The following C1QTNF7 variants were observed in gnomAD, a reference collection of about 807,000 sequenced individuals.
C1QTNF7 encodes the protein complement C1q tumor necrosis factor-related protein 7.
Under a neutral mutation model 19.6 loss-of-function variants are expected in C1QTNF7, and 15 were observed. The ratio of observed to expected loss-of-function variants is 0.76; its 90% CI spans 0.51 to 1.18. The LOEUF (loss-of-function observed/expected upper bound fraction) is 1.18, where lower values mean the gene tolerates loss of function less well. Among genes scored for constraint, C1QTNF7 ranks in the 50% most tolerant of loss-of-function variants. The pLI, the probability that C1QTNF7 is intolerant of heterozygous loss-of-function variation, is 0.00. For synonymous variants in C1QTNF7, 142 were observed against 137.5 expected, an observed-to-expected ratio of 1.03 and a Z score of -0.23; for missense variants, 324 against 359.7, an observed-to-expected ratio of 0.90 and a Z score of 0.80.
At chr4:15,420,775 C>T (rs1311455447) in intron 1 of C1QTNF7, among the ~76,000 whole-genome samples, 2 of 139,094 alleles carry the variant, frequency 1.4e-5, no homozygotes, top group South Asian at 5.2e-4. Flanking sequence ...AGGGAGAAGA[C>T]ATGAAGATTT....
At chr4:15,368,755 G>A (rs989858734) in intron 1 of C1QTNF7, among the ~76,000 whole-genome samples, 1 of 152,206 alleles carries the variant, frequency 6.6e-6, no homozygotes, top group Non-Finnish European at 1.5e-5. Flanking sequence ...AAACATACGT[G>A]TGCATGTGTC....
chr4:15,443,818 G>C lies in C1QTNF7; in HGVS notation c.*1019G>C, dbSNP rs1188450540. On this transcript the variant is annotated 3_prime_UTR_variant, in exon 3 of 3. Coordinates refer to ENST00000444304, the MANE Select transcript of C1QTNF7 (RefSeq NM_031911.5). Reference sequence around the variant, plus strand: ...TCCTAATAGCTTTCTCATAAATATGGGCACCACTTTACATTGTGGTAAGAC... The same window carrying C: ...TCCTAATAGCTTTCTCATAAATATGCGCACCACTTTACATTGTGGTAAGAC... 6.6e-6 allele frequency: 1 copy of C among 152,116 alleles called. No individual in the cohort carries two copies. The highest frequency in any genetic ancestry group is 1.5e-5 in the Non-Finnish European group (1 of 68,034). 9.4% of individuals were successfully genotyped at this position (152,116 alleles called of 1,614,324 possible).
intron 1 of C1QTNF7, among the ~76,000 whole-genome samples, chr4:15,401,212 G>A (rs1718984133): frequency 6.6e-6 from 1 of 152,192 alleles, no homozygotes; most frequent in African/African-American, 2.4e-5. Context: ...GTTGTGTAGG[G>A]ATAGTCTCTG....
chr4:15,371,838 G>A (rs904395635), intron 1 of C1QTNF7, among the ~76,000 whole-genome samples: 3 of 152,152 alleles, frequency 2.0e-5, no homozygotes, highest in South Asian at 2.1e-4. Context: ...TCTAAGCTCA[G>A]TGGGCACATG....
rs1712961271 is a variant in C1QTNF7 at position 15,445,544 on chromosome 4, T to C, written c.*2745T>C. 1 of 152,220 alleles carries C rather than the reference T, an allele frequency of 6.6e-6. No individual in the cohort carries two copies. The highest frequency in any genetic ancestry group is 2.1e-4 in the South Asian group (1 of 4,828). The allele number at this position is 152,220 out of a possible 1,614,324, so 9.4% of individuals were successfully genotyped here. A position where few individuals can be genotyped will look rare whatever the true frequency, so the allele number is the denominator to read the frequency against. ...ATTGGTTTGAAGCCTAGAGATGAAT[T>C]TCGTTTTCAAATATCTGGTGGGATG... On this transcript the variant is annotated 3_prime_UTR_variant, in exon 3 of 3. Coordinates refer to ENST00000444304, the MANE Select transcript of C1QTNF7 (RefSeq NM_031911.5).
chr4:15,350,704 GCCATTATCAAGCTGAA>G (rs1053271400), intron 1 of C1QTNF7, among the ~76,000 whole-genome samples: 11 of 152,112 alleles, frequency 7.2e-5, no homozygotes, highest in Admixed American at 7.2e-4. Context: ...TATTAATAGG[GCCATTATCAAGCTGAA>G]CCAGAGAGAC....
intron 1 of C1QTNF7, among the ~76,000 whole-genome samples, chr4:15,350,096 AG>A: frequency 8.0e-6 from 1 of 124,732 alleles, no homozygotes; most frequent in African/African-American, 3.1e-5. Flanking sequence ...GGAGGGAGGG[AG>A]AGAGGAAGGG....
intron 1 of C1QTNF7, among the ~76,000 whole-genome samples, chr4:15,411,064 A>G (rs976555359): frequency 1.3e-5 from 2 of 152,226 alleles, no homozygotes; most frequent in African/African-American, 2.4e-5. Flanking sequence ...CACTGTGGAA[A>G]TGTACGTGCA....
chr4:15,442,880 A>G lies in C1QTNF7; in HGVS notation c.*81A>G. On this transcript the variant is annotated 3_prime_UTR_variant, in exon 3 of 3. Coordinates refer to ENST00000444304, the MANE Select transcript of C1QTNF7 (RefSeq NM_031911.5). ...TGGAACAAGCAGGAATGGGATCCAA[A>G]GAGACTCCCACTCAGATTCTAAAGC... 7.4e-7 allele frequency: 1 copy of G among 1,352,096 alleles called. No homozygotes were observed. Among genetic ancestry groups the G allele is most frequent in the Admixed American group, 2.3e-5 (1 of 43,202 alleles). 83.8% of individuals were successfully genotyped at this position (1,352,096 alleles called of 1,614,324 possible). A position where few individuals can be genotyped will look rare whatever the true frequency, so the allele number is the denominator to read the frequency against.
At chr4:15,428,558 T>C (rs534639520) in intron 1 of C1QTNF7, among the ~76,000 whole-genome samples, 1 of 152,282 alleles carries the variant, frequency 6.6e-6, no homozygotes, top group Admixed American at 6.5e-5. Context: ...AGCAAGTCAA[T>C]AGATAGCCAT....
chr4:15,381,445 A>G (rs941872741), intron 1 of C1QTNF7, among the ~76,000 whole-genome samples: 2 of 151,882 alleles, frequency 1.3e-5, no homozygotes, highest in African/African-American at 2.4e-5. Flanking sequence ...AATTGTGAAC[A>G]TGGAAATATT....
intron 1 of C1QTNF7, among the ~76,000 whole-genome samples, chr4:15,407,696 G>A (rs755027101): frequency 3.3e-5 from 5 of 152,178 alleles, no homozygotes; most frequent in Non-Finnish European, 7.3e-5. Context: ...AAAAACTGGT[G>A]GAATCCGCAC....
rs1712875767 is a variant in C1QTNF7, at chr4:15,443,565, T to C, written c.*766T>C. 1 of 152,108 alleles carries C rather than the reference T, an allele frequency of 6.6e-6. No homozygotes were observed. Among genetic ancestry groups the C allele is most frequent in the Admixed American group, 6.6e-5 (1 of 15,264 alleles). 9.4% of individuals were successfully genotyped at this position (152,108 alleles called of 1,614,324 possible). On this transcript the variant is annotated 3_prime_UTR_variant, in exon 3 of 3. Coordinates refer to ENST00000444304, the MANE Select transcript of C1QTNF7 (RefSeq NM_031911.5). ...AAAACACTAATCATGCCAAGGTGTA[T>C]GTGTTTAAGGGGGTGTGATGGATGC...
chr4:15,430,073 A>G (rs1033344620), intron 1 of C1QTNF7, among the ~76,000 whole-genome samples: 1 of 152,200 alleles, frequency 6.6e-6, no homozygotes, highest in African/African-American at 2.4e-5. Flanking sequence ...GCGAGAACAA[A>G]GGGCTCCATG....
At chr4:15,353,655 T>C (rs1291099210) in intron 1 of C1QTNF7, among the ~76,000 whole-genome samples, 2 of 152,120 alleles carry the variant, frequency 1.3e-5, no homozygotes, top group African/African-American at 4.8e-5. Context: ...GCTTGTGCCC[T>C]GGGTCCTAAC....
intron 1 of C1QTNF7, among the ~76,000 whole-genome samples, chr4:15,365,489 G>A (rs148128959): frequency 4.1e-4 from 62 of 152,250 alleles, no homozygotes; most frequent in African/African-American, 7.7e-4. Context: ...ACTTAGACCC[G>A]TCTCTCGGGA....
At chr4:15,377,274 A>G (rs1717975145) in intron 1 of C1QTNF7, among the ~76,000 whole-genome samples, 1 of 152,220 alleles carries the variant, frequency 6.6e-6, no homozygotes, top group South Asian at 2.1e-4. Context: ...CCCTGTGGTC[A>G]GAATCAACAC....
chr4:15,354,171 G>A (rs1717045045), intron 1 of C1QTNF7, among the ~76,000 whole-genome samples: 1 of 152,116 alleles, frequency 6.6e-6, no homozygotes, highest in Non-Finnish European at 1.5e-5. Flanking sequence ...AGGGTCTGAA[G>A]GAATGGGAGG....
chr4:15,354,933 G>C lies in C1QTNF7; in HGVS notation c.13+14726G>C, dbSNP rs546896301. ...CCTCACCCCATTCCTGCTCACATTC[G>C]CATGTGTTTCACCACAGGATTCTTG... On this transcript the variant is annotated intron_variant, in intron 1 of 2. Transcript: ENST00000295297. 3.3e-5 allele frequency among the ~76,000 whole-genome samples: 5 copies of C among 152,134 alleles called. No homozygotes were observed. The East Asian group carries it at 9.7e-4, about 29-fold the overall frequency.
Sources: gnomAD v4.1 joint callset for allele counts (sites outside exome capture counted in the v4.1 genomes callset) on GRCh38, gnomAD v4.1.1 for gene constraint, MANE v1.5 for transcripts, NCBI Gene and HGNC (gene_info 2026-07-23, HGNC 2026-07-21) for gene names.